Variants in SLC13A4 observed in about 807,000 individuals in gnomAD.
The protein encoded by SLC13A4 is Na(+)/sulfate cotransporter SUT-1.
Under a neutral mutation model 72.7 loss-of-function variants are expected in SLC13A4, and 28 were observed. The observed-to-expected ratio is 0.39, with a 90% CI of 0.29 to 0.53. The LOEUF is 0.53. Ranked by LOEUF, SLC13A4 falls within the 20% of genes least tolerant of loss-of-function variation. The pLI, the probability that SLC13A4 is intolerant of heterozygous loss-of-function variation, is 0.78. For synonymous variants in SLC13A4, 312 were observed against 325.5 expected, an observed-to-expected ratio of 0.96 and a Z score of 0.45; for missense variants, 653 against 788.0, an observed-to-expected ratio of 0.83 and a Z score of 2.05.
At chr7:135,697,553 T>C (rs916097103) in intron 8 of SLC13A4, among the ~76,000 whole-genome samples, 8 of 151,734 alleles carry the variant, frequency 5.3e-5, no homozygotes, top group Non-Finnish European at 1.0e-4. Flanking sequence ...ATTGCCTTCC[T>C]GCTGTCTGGT....
Position 135,681,645 on chromosome 7 carries a change from A to G in SLC13A4, c.1802T>C (p.Ile601Thr), listed in dbSNP as rs776282724. The G allele has an allele frequency of 1.9e-6, 3 of 1,614,110 alleles. No homozygotes were observed. The highest frequency in any genetic ancestry group is 1.3e-5 in the African/African-American group (1 of 75,030). The change falls in exon 16 of 16, where the codon ATC (isoleucine) becomes ACC (threonine). Residue 601 changes from isoleucine (I) to threonine (T), a missense_variant. Physicochemically the swap from Ile to Thr is moderately conservative, Grantham distance 89. Transcript: ENST00000682651. ...GAAGAGGCTAACTCCCCAGGTGTTG[A>G]TGGCCACCATTACTATCACCAGTCC... ...VIGLVIVMVA[I>T]NTWGVSLFHL...
At chr7:135,694,011 C>A (rs1339694185) in intron 10 of SLC13A4, 126 bp downstream of exon 10, 2 of 668,032 alleles carry the variant, frequency 3.0e-6, no homozygotes, top group African/African-American at 3.6e-5. Context: ...CTTCTAAAGG[C>A]CTGATTCAGA....
chr7:135,727,838 A>C lies in SLC13A4; in HGVS notation c.-342T>G. The C allele has an allele frequency of 1.2e-5, 3 of 248,626 alleles. No homozygotes were observed. Among genetic ancestry groups the C allele is most frequent in the East Asian group, 7.9e-5 (1 of 12,670 alleles). 15.4% of individuals were successfully genotyped at this position (248,626 alleles called of 1,614,324 possible). ...CTAGGTGTCAGCAGAAACCCCCTTAATCCTTTAAGCCACACCTTTGCTGCT... is the reference window on the plus strand; with the variant it reads ...CTAGGTGTCAGCAGAAACCCCCTTACTCCTTTAAGCCACACCTTTGCTGCT... On this transcript the variant is annotated 5_prime_UTR_variant, in exon 1 of 16. Transcript: ENST00000682651.
chr7:135,724,966 G>T (rs540741000), intron 1 of SLC13A4, among the ~76,000 whole-genome samples: 1 of 152,302 alleles, frequency 6.6e-6, no homozygotes, highest in South Asian at 2.1e-4. Context: ...TTCAATTCAC[G>T]TGGGCTGAAC....
chr7:135,700,684 G>A (rs1018406018), intron 7 of SLC13A4, among the ~76,000 whole-genome samples: 1 of 152,108 alleles, frequency 6.6e-6, no homozygotes, highest in African/African-American at 2.4e-5. Context: ...TCACTCTGTT[G>A]CCCAGGCTAG....
chr7:135,704,368 G>A (rs1166106962), intron 5 of SLC13A4: 1 of 152,726 alleles, frequency 6.5e-6, no homozygotes, highest in Non-Finnish European at 1.5e-5. Flanking sequence ...AAGAGCCAGG[G>A]ACTGAAATCT....
At chr7:135,711,963 ATTTTTTTTTTTTTTTTTTTTTTTTT>A (rs529940903) in intron 2 of SLC13A4, among the ~76,000 whole-genome samples, 1 of 46,886 alleles carries the variant, frequency 2.1e-5, no homozygotes, top group East Asian at 9.2e-4. Context: ...ATGTTTTTGG[ATTTTTTTTTTTTTTTTTTTTTTTTT>A]TTTTTTTTTT....
chr7:135,685,475 C>T (rs1412767143), intron 14 of SLC13A4, 47 bp downstream of exon 14: 3 of 1,585,220 alleles, frequency 1.9e-6, no homozygotes, highest in South Asian at 2.3e-5. Flanking sequence ...CCACTCCAGG[C>T]CCCTGGGACA....
At position 135,727,576 on chromosome 7, in the gene SLC13A4, C is replaced by G. The variant is rs1432493214; in HGVS notation, c.-80G>C. 46 of 1,472,468 alleles carry G rather than the reference C, an allele frequency of 3.1e-5. No individual in the cohort carries two copies. Among genetic ancestry groups the G allele is most frequent in the Non-Finnish European group, 2.0e-5 (22 of 1,101,546 alleles). The allele number at this position is 1,472,468 out of a possible 1,614,324, so 91.2% of individuals were successfully genotyped here. A position where few individuals can be genotyped will look rare whatever the true frequency, so the allele number is the denominator to read the frequency against. ...TTCCTGCCTGGGCACTGCTCTCTATCCAGAAAGACTTCTTAAACCTTTCTT... is the reference window on the plus strand; with the variant it reads ...TTCCTGCCTGGGCACTGCTCTCTATGCAGAAAGACTTCTTAAACCTTTCTT... On this transcript the variant is annotated 5_prime_UTR_variant, in exon 1 of 16. Transcript: ENST00000682651.
chr7:135,692,233 G>T, intron 11 of SLC13A4, 90 bp downstream of exon 11: 1 of 900,722 alleles, frequency 1.1e-6, no homozygotes, highest in Non-Finnish European at 1.8e-6. Flanking sequence ...AATCTTCCTG[G>T]CTTCATATCT....
chr7:135,699,269 C>G (rs1204995612), intron 8 of SLC13A4, 95 bp downstream of exon 8: 6 of 1,240,406 alleles, frequency 4.8e-6, no homozygotes, highest in Non-Finnish European at 6.5e-6. Context: ...GGAAACTCTT[C>G]TATTCTCATT....
chr7:135,713,369 C>T (rs73721697), intron 2 of SLC13A4, among the ~76,000 whole-genome samples: 4,163 of 152,018 alleles, frequency 0.027, 119 homozygotes, highest in African/African-American at 0.065. Flanking sequence ...CAAGGAGGTC[C>T]CCTTGACAAG....
Position 135,681,447 on chromosome 7 carries a change from C to T in SLC13A4, c.*116G>A, listed in dbSNP as rs62479527. On this transcript the variant is annotated 3_prime_UTR_variant, in exon 16 of 16. Coordinates refer to ENST00000682651, the MANE Select transcript of SLC13A4 (RefSeq NM_001318192.2). ...AATCTTCTGGTGGAGGGATGCCCTC[C>T]GGCGTGGGTCTGGGGTTGTGTGCTC... The T allele has an allele frequency of 0.026, 34,532 of 1,317,692 alleles. 577 individuals are homozygous for T. The highest frequency in any genetic ancestry group is 0.058 in the East Asian group (2,456 of 42,228). 81.6% of individuals were successfully genotyped at this position (1,317,692 alleles called of 1,614,324 possible).
intron 8 of SLC13A4, among the ~76,000 whole-genome samples, chr7:135,698,640 T>G (rs1795959889): frequency 6.8e-6 from 1 of 147,664 alleles, no homozygotes; most frequent in African/African-American, 2.5e-5. Flanking sequence ...GGGACTTTTT[T>G]TTTTTTTTTT....
At chr7:135,689,349 G>T (rs1795721799) in intron 13 of SLC13A4, among the ~76,000 whole-genome samples, 1 of 152,190 alleles carries the variant, frequency 6.6e-6, no homozygotes, top group Non-Finnish European at 1.5e-5. Context: ...ATGATGAACA[G>T]TTAAAAAGAA....
At chr7:135,702,950 C>T in intron 5 of SLC13A4, 66 bp from the exon 6 acceptor site, 5 of 1,188,332 alleles carry the variant, frequency 4.2e-6, no homozygotes, top group Non-Finnish European at 5.0e-6. Flanking sequence ...GGAGGTCCCC[C>T]TGCATCAGGC....
Position 135,681,363 on chromosome 7 carries a change from A to T in SLC13A4, c.*200T>A. 1.9e-6 allele frequency: 1 copy of T among 516,948 alleles called. No individual in the cohort carries two copies. The highest frequency in any genetic ancestry group is 3.3e-6 in the Non-Finnish European group (1 of 305,232). The allele number at this position is 516,948 out of a possible 1,614,324, so 32.0% of individuals were successfully genotyped here. On this transcript the variant is annotated 3_prime_UTR_variant, in exon 16 of 16. Coordinates refer to ENST00000682651, the MANE Select transcript of SLC13A4 (RefSeq NM_001318192.2). ...TGCTGAGGGCAGGAAGAAGACACTAACAGCGAAGCATGTGTTTGTGGTTGT... is the reference window on the plus strand; with the variant it reads ...TGCTGAGGGCAGGAAGAAGACACTATCAGCGAAGCATGTGTTTGTGGTTGT...
At chr7:135,682,895 G>A (rs770398053) in intron 15 of SLC13A4, among the ~76,000 whole-genome samples, 4 of 152,194 alleles carry the variant, frequency 2.6e-5, no homozygotes, top group African/African-American at 4.8e-5. Context: ...AGAGCTCAGC[G>A]TGAGCAGACT....
At position 135,727,678 on chromosome 7, in the gene SLC13A4, G is replaced by A. The variant is rs915735025; in HGVS notation, c.-182C>T. ...ACCCTCGCTGTTTCTACAAGAGGCT[G>A]GGCTCCTGGCCTCCTGCTTTAGGTG... is the stretch of plus-strand genomic sequence containing the variant. On this transcript the variant is annotated 5_prime_UTR_variant, in exon 1 of 16. Coordinates refer to ENST00000682651, the MANE Select transcript of SLC13A4 (RefSeq NM_001318192.2). The A allele has an allele frequency of 6.0e-6, 4 of 664,194 alleles. No homozygotes were observed. Among genetic ancestry groups the A allele is most frequent in the Non-Finnish European group, 9.6e-6 (4 of 416,868 alleles). The allele number at this position is 664,194 out of a possible 1,614,324, so 41.1% of individuals were successfully genotyped here.
Sources: allele counts gnomAD v4.1 joint callset (sites outside exome capture counted in the v4.1 genomes callset), GRCh38; gene constraint gnomAD v4.1.1; transcripts MANE v1.5; gene names NCBI Gene and HGNC (gene_info 2026-07-23, HGNC 2026-07-21).